Variants in CSMD2 observed in about 807,000 individuals in gnomAD.
CSMD2 encodes CUB and sushi domain-containing protein 2.
Under a neutral mutation model 398.5 loss-of-function variants are expected in CSMD2, and 130 were observed. The ratio of observed to expected loss-of-function variants is 0.33; its 90% confidence interval spans 0.28 to 0.38. The LOEUF is 0.38. Ranked by LOEUF, CSMD2 falls within the 10% of genes least tolerant of loss-of-function variation. The probability of loss-of-function intolerance (pLI) is 1.00; values close to 1 mark genes in which losing one functional copy is unlikely to be tolerated. For missense variants in CSMD2, 3,829 were observed against 4,764.9 expected (o/e 0.80, Z 5.78); for synonymous variants, 1,828 against 1,908.5 (o/e 0.96, Z 1.10).
At chr1:33,585,205 T>C (rs576241006) in intron 46 of CSMD2, among the ~76,000 whole-genome samples, 5 of 152,342 alleles carry the variant, frequency 3.3e-5, no homozygotes, top group Admixed American at 2.6e-4. Context: ...GATGTGCCTT[T>C]AGACAGGCTT....
At chr1:34,042,364 T>C (rs1364535828) in intron 2 of CSMD2, among the ~76,000 whole-genome samples, 1 of 152,252 alleles carries the variant, frequency 6.6e-6, no homozygotes, top group Non-Finnish European at 1.5e-5. Flanking sequence ...AATTGGCATG[T>C]CATTTTTCAT....
At chr1:34,025,862 G>A (rs1181969920) in intron 3 of CSMD2, among the ~76,000 whole-genome samples, 7 of 152,146 alleles carry the variant, frequency 4.6e-5, no homozygotes, top group South Asian at 2.1e-4. Context: ...AAAAGCCACC[G>A]TCTGGCTGTA....
At position 34,003,494 on chromosome 1, in the gene CSMD2, G is replaced by T. The variant is rs140864543; in HGVS notation, c.517+29100C>A. ...AGGCGCTGAGGGATGATCCCTAATG[G>T]GTAATAATAATAGCTACCATTTATT... On this transcript the variant is annotated intron_variant, in intron 3 of 70. Coordinates refer to ENST00000373381, the MANE Select transcript of CSMD2 (RefSeq NM_001281956.2). 2.7e-4 allele frequency among the ~76,000 whole-genome samples: 41 copies of T among 152,230 alleles called. No homozygotes were observed. The East Asian group carries it at 3.7e-3, about 14-fold the overall frequency.
intron 3 of CSMD2, among the ~76,000 whole-genome samples, chr1:33,994,438 C>G (rs982254882): frequency 1.3e-5 from 2 of 152,074 alleles, no homozygotes; most frequent in Admixed American, 1.3e-4. Flanking sequence ...GCTCACAGCA[C>G]CATGGATGGC....
intron 3 of CSMD2, among the ~76,000 whole-genome samples, chr1:33,940,878 A>AT (rs1463007742): frequency 5.9e-5 from 9 of 152,192 alleles, no homozygotes; most frequent in Non-Finnish European, 1.2e-4. Flanking sequence ...CAAGGGCAAC[A>AT]TTTAAAGTGT....
intron 22 of CSMD2, among the ~76,000 whole-genome samples, chr1:33,708,855 T>C (rs1027680802): frequency 2.0e-5 from 3 of 152,130 alleles, no homozygotes; most frequent in African/African-American, 7.2e-5. Context: ...CCATACTCAA[T>C]TACACATGCA....
At chr1:33,639,300 C>G (rs1345384552) in intron 29 of CSMD2, among the ~76,000 whole-genome samples, 1 of 152,208 alleles carries the variant, frequency 6.6e-6, no homozygotes, top group African/African-American at 2.4e-5. Flanking sequence ...AAATGTCTAC[C>G]TTGTTCAGGC....
At chr1:34,028,332 A>G (rs746056810) in intron 3 of CSMD2, among the ~76,000 whole-genome samples, 1 of 152,150 alleles carries the variant, frequency 6.6e-6, no homozygotes, top group Non-Finnish European at 1.5e-5. Context: ...CTAAATAAAT[A>G]AAATAAAATA....
chr1:33,995,058 G>C (rs1041347498), intron 3 of CSMD2, among the ~76,000 whole-genome samples: 2 of 145,384 alleles, frequency 1.4e-5, no homozygotes, highest in African/African-American at 5.1e-5. Context: ...GCAAGACTCC[G>C]TCTCAAAAAA....
At chr1:33,524,474 G>A (rs1016687334) in intron 66 of CSMD2, among the ~76,000 whole-genome samples, 3 of 152,082 alleles carry the variant, frequency 2.0e-5, no homozygotes, top group Non-Finnish European at 2.9e-5. Flanking sequence ...AAGTGTTATT[G>A]TTTAAAAACA....
In CSMD2 at chr1:33,611,183, G is replaced by T. The variant is rs368219307; in HGVS notation, c.6201C>A (p.Gly2067=). ...PNHDYIEIRN[G]PYETSRMMGR... is the part of the protein sequence containing the mutation. ...CCATCATGCGGCTGGTCTCATAGGGGCCATTCCGGATTTCTATGTAGTCGT... is the reference window on the plus strand; with the variant it reads ...CCATCATGCGGCTGGTCTCATAGGGTCCATTCCGGATTTCTATGTAGTCGT... The change falls in exon 41 of 71, where the codon GGC becomes GGA. Residue 2067 remains glycine (G), a synonymous_variant. Transcript: ENST00000373381. The T allele has an allele frequency of 7.4e-6, 12 of 1,614,012 alleles. No individual in the cohort carries two copies. In the African/African-American group the frequency reaches 1.3e-4, roughly 18 times the overall value.
intron 3 of CSMD2, among the ~76,000 whole-genome samples, chr1:34,007,796 G>A (rs538464706): frequency 2.3e-4 from 35 of 152,118 alleles, no homozygotes; most frequent in Non-Finnish European, 4.9e-4. Context: ...TATATGCCTG[G>A]AAGAATAAAT....
chr1:33,662,992 G>C lies in CSMD2; in HGVS notation c.4153C>G (p.Pro1385Ala). The C allele has an allele frequency of 6.2e-7, 1 of 1,614,076 alleles. No individual in the cohort carries two copies. ...SGVLLKELSGPALPKDLHSTF... is the reference protein window; with the variant it reads ...SGVLLKELSGAALPKDLHSTF... Reference sequence around the variant, plus strand: ...CTATGCAGGTCCTTGGGCAGGGCCGGGCCACTCAGCTCCTTCAGCAGAACC... The same window carrying C: ...CTATGCAGGTCCTTGGGCAGGGCCGCGCCACTCAGCTCCTTCAGCAGAACC... The change falls in exon 26 of 71, where the codon CCG (proline) becomes GCG (alanine). Residue 1385 changes from proline to alanine, a missense_variant. Around this residue, in one of 5 missense-constraint regions of CSMD2, gnomAD observed 2,001 missense variants for 2,567.1 expected, o/e 0.78. Coordinates refer to ENST00000373381, the MANE Select transcript of CSMD2 (RefSeq NM_001281956.2).
At chr1:34,109,902 G>A (rs7548253) in intron 1 of CSMD2, among the ~76,000 whole-genome samples, 58,969 of 151,360 alleles carry the variant, frequency 0.39, 12,134 homozygotes, top group East Asian at 0.69. Flanking sequence ...TTAGCCGGGC[G>A]TGGTGGTGTG....
intron 55 of CSMD2, among the ~76,000 whole-genome samples, chr1:33,552,465 C>T (rs138218843): frequency 6.6e-6 from 1 of 152,304 alleles, no homozygotes; most frequent in African/African-American, 2.4e-5. Flanking sequence ...ATGTTCAAAC[C>T]AGCATAATTC....
chr1:34,105,079 T>C (rs188013401), intron 1 of CSMD2, among the ~76,000 whole-genome samples: 3 of 152,352 alleles, frequency 2.0e-5, no homozygotes, highest in Non-Finnish European at 2.9e-5. Flanking sequence ...ATTTCGTGCA[T>C]TAAGTGCTGG....
At chr1:33,691,960 GC>G (rs1387455404) in intron 25 of CSMD2, among the ~76,000 whole-genome samples, 5 of 152,012 alleles carry the variant, frequency 3.3e-5, no homozygotes, top group African/African-American at 1.2e-4. Context: ...ATGGCTCAAG[GC>G]CCCGTTTTGC....
chr1:33,739,768 T>G (rs1646997365), intron 14 of CSMD2, among the ~76,000 whole-genome samples: 1 of 152,088 alleles, frequency 6.6e-6, no homozygotes, highest in African/African-American at 2.4e-5. Context: ...CATTTCTGCT[T>G]GAGGTGAGCT....
intron 5 of CSMD2, among the ~76,000 whole-genome samples, chr1:33,874,390 G>A (rs781126808): frequency 1.3e-5 from 2 of 152,230 alleles, no homozygotes; most frequent in African/African-American, 4.8e-5. Flanking sequence ...TGAACAGCAG[G>A]TTAGGTGCTC....
Sources: gnomAD v4.1 joint callset for allele counts (sites outside exome capture counted in the v4.1 genomes callset) on GRCh38, gnomAD v4.1.1 for gene constraint, gnomAD v4.1.1 regional missense constraint, MANE v1.5 for transcripts, NCBI Gene and HGNC (gene_info 2026-07-23, HGNC 2026-07-21) for gene names.